Variants in ASTN2 observed in about 807,000 individuals in gnomAD.
ASTN2 encodes the protein astrotactin 2.
ASTN2 carries 54 observed loss-of-function variants against 139.8 expected under a neutral mutation model. The observed-to-expected ratio is 0.39, with a 90% CI of 0.31 to 0.48. The LOEUF (loss-of-function observed/expected upper bound fraction) is 0.48. Among genes scored for constraint, ASTN2 ranks in the 20% least tolerant of loss-of-function variants. The pLI is 0.95. For missense variants in ASTN2, 1,565 were observed against 1,725.1 expected (o/e 0.91, Z 1.64); for synonymous variants, 756 against 719.5 (o/e 1.05, Z -0.81).
rs939954614 is a variant in ASTN2 at position 116,478,786 on chromosome 9, A to T, written c.3497+8573T>A. Among the ~76,000 whole-genome samples the T allele has an allele frequency of 2.6e-5, 4 of 151,950 alleles. 1 individual carries two copies. Among genetic ancestry groups the T allele is most frequent in the African/African-American group, 9.7e-5 (4 of 41,374 alleles). ...AAGACAGGTGGATCACGAGGTCAGGAGTTCGAACCAGCCTGGCCAATATGG... is the reference window on the plus strand; with the variant it reads ...AAGACAGGTGGATCACGAGGTCAGGTGTTCGAACCAGCCTGGCCAATATGG... On this transcript the variant is annotated intron_variant, in intron 20 of 22. Coordinates refer to ENST00000313400, the MANE Select transcript of ASTN2 (RefSeq NM_001365068.1).
At chr9:117,388,460 G>T (rs1830457608) in intron 1 of ASTN2, among the ~76,000 whole-genome samples, 1 of 152,198 alleles carries the variant, frequency 6.6e-6, no homozygotes, top group South Asian at 2.1e-4. Context: ...CCTAGTGGGA[G>T]TGCTCTGATG....
intron 6 of ASTN2, among the ~76,000 whole-genome samples, chr9:117,029,891 C>G (rs1012176337): frequency 6.6e-6 from 1 of 152,026 alleles, no homozygotes; most frequent in Non-Finnish European, 1.5e-5. Context: ...CATATTAAAG[C>G]TGCAAACAGT....
At chr9:116,985,462 T>G (rs1836650065) in intron 7 of ASTN2, among the ~76,000 whole-genome samples, 1 of 152,214 alleles carries the variant, frequency 6.6e-6, no homozygotes. Context: ...GTCAGGCTGC[T>G]GAGAGGCTGC....
At chr9:117,203,914 C>T (rs1374025218) in intron 3 of ASTN2, among the ~76,000 whole-genome samples, 4 of 152,242 alleles carry the variant, frequency 2.6e-5, no homozygotes, top group Non-Finnish European at 5.9e-5. Flanking sequence ...AGGGGAAACC[C>T]ACTGTTCTGG....
intron 13 of ASTN2, among the ~76,000 whole-genome samples, chr9:116,805,419 A>T (rs1831003811): frequency 6.6e-6 from 1 of 152,192 alleles, no homozygotes; most frequent in African/African-American, 2.4e-5. Context: ...GAAAATGGCA[A>T]AGTGGGACAA....
At chr9:117,214,860 C>T in intron 2 of ASTN2, 118 bp from the exon 3 acceptor site, 1 of 1,155,806 alleles carries the variant, frequency 8.7e-7, no homozygotes, top group Non-Finnish European at 1.1e-6. Context: ...CATAGAGCCT[C>T]AGGAACCACC....
intron 5 of ASTN2, among the ~76,000 whole-genome samples, chr9:117,066,446 C>A: frequency 1.4e-5 from 2 of 147,800 alleles, no homozygotes; most frequent in East Asian, 4.1e-4. Flanking sequence ...GGTTCCAAGT[C>A]TTTGCTATTG....
At chr9:117,126,493 G>A (rs1829692036) in intron 4 of ASTN2, among the ~76,000 whole-genome samples, 1 of 152,190 alleles carries the variant, frequency 6.6e-6, no homozygotes, top group South Asian at 2.1e-4. Context: ...AGAGTAAAGA[G>A]CACAAAAGAA....
intron 1 of ASTN2, among the ~76,000 whole-genome samples, chr9:117,298,651 T>C (rs1370542671): frequency 7.8e-6 from 1 of 127,438 alleles, no homozygotes; most frequent in Non-Finnish European, 1.6e-5. Context: ...ACTGTCTTGG[T>C]GTGTGTATAT....
chr9:116,672,949 A>T (rs1208487232), intron 16 of ASTN2, among the ~76,000 whole-genome samples: 1 of 152,212 alleles, frequency 6.6e-6, no homozygotes, highest in African/African-American at 2.4e-5. Context: ...CAAAGTGCTA[A>T]ATGTTTTACA....
chr9:117,281,409 G>C (rs1834321140), intron 2 of ASTN2, among the ~76,000 whole-genome samples: 1 of 152,184 alleles, frequency 6.6e-6, no homozygotes, highest in African/African-American at 2.4e-5. Flanking sequence ...ATGCTCTGAA[G>C]ACTGGGAAGG....
rs376314824 is a variant in ASTN2 at position 116,863,616 on chromosome 9, C to G, written c.2007G>C (p.Val669=). ...CCGAGGAATCCACCTGCCGGTCAGA[C>G]ACACACTTGAAGTTGCGAGTGCAGC... ...NGGCTRNFKC[V]SDRQVDSSGC... The change falls in exon 11 of 23, where the codon GTG becomes GTC. Residue 669 remains valine (V), a synonymous_variant. Coordinates refer to ENST00000313400, the MANE Select transcript of ASTN2 (RefSeq NM_001365068.1). 11 of 1,614,068 alleles carry G rather than the reference C, an allele frequency of 6.8e-6. No individual in the cohort carries two copies. Among genetic ancestry groups the G allele is most frequent in the Non-Finnish European group, 9.3e-6 (11 of 1,180,038 alleles).
intron 10 of ASTN2, among the ~76,000 whole-genome samples, chr9:116,966,418 A>G (rs1051591166): frequency 2.6e-5 from 4 of 152,122 alleles, no homozygotes; most frequent in African/African-American, 9.7e-5. Context: ...ATCTGAGCTG[A>G]CAGTTGGTGC....
intron 5 of ASTN2, among the ~76,000 whole-genome samples, chr9:117,077,437 T>C (rs966957750): frequency 6.6e-6 from 1 of 152,132 alleles, no homozygotes. Context: ...AGCTATAAGG[T>C]AAGTAAGCTA....
Position 116,699,955 on chromosome 9 carries a change from A to G in ASTN2, c.2806+25816T>C. On this transcript the variant is annotated intron_variant, in intron 16 of 22. Coordinates refer to ENST00000313400, the MANE Select transcript of ASTN2 (RefSeq NM_001365068.1). This position sits in a 1 kb window ranked among gnomAD's most constrained non-coding sequence, Gnocchi z 4.2. ...ACACGATGGTGTTAGCTGAAGTTTG[A>G]TTAGCAATTAGGCACTTCCAAGGCT... 1 of 590,338 alleles carries G rather than the reference A, an allele frequency of 1.7e-6. No individual in the cohort carries two copies. The highest frequency in any genetic ancestry group is 2.2e-5 in the South Asian group (1 of 45,898). 36.6% of individuals were successfully genotyped at this position (590,338 alleles called of 1,614,324 possible). A position where few individuals can be genotyped will look rare whatever the true frequency, so the allele number is the denominator to read the frequency against.
chr9:116,976,301 A>G, intron 8 of ASTN2, 113 bp from the exon 9 acceptor site: 1 of 816,542 alleles, frequency 1.2e-6, no homozygotes. Flanking sequence ...TGCAGAAATA[A>G]TTATTGGGCA....
rs527403460 is a variant in ASTN2 at position 116,759,575 on chromosome 9, C to T, written c.2397-26052G>A. ...TATAACATTCCCTCTGTCTGCTATA[C>T]TATTTCTTTCTGCTTGTATACTGAT... On this transcript the variant is annotated intron_variant, in intron 13 of 22. Transcript: ENST00000313400. Among the ~76,000 whole-genome samples, 5 of 152,182 alleles carry T rather than the reference C, an allele frequency of 3.3e-5. No homozygotes were observed. In the South Asian group the frequency reaches 1.0e-3, roughly 32 times the overall value.
intron 1 of ASTN2, among the ~76,000 whole-genome samples, chr9:117,327,125 C>T (rs553211503): frequency 2.0e-5 from 3 of 152,210 alleles, no homozygotes; most frequent in Non-Finnish European, 2.9e-5. Context: ...CAATAGGGTT[C>T]GTGCTCCTAT....
intron 11 of ASTN2, among the ~76,000 whole-genome samples, chr9:116,846,612 C>G (rs939750953): frequency 6.6e-6 from 1 of 152,152 alleles, no homozygotes; most frequent in Non-Finnish European, 1.5e-5. Flanking sequence ...GGCTACTTTT[C>G]CCATTAGAGG....
Sources: gnomAD v4.1 joint callset for allele counts (sites outside exome capture counted in the v4.1 genomes callset) on GRCh38, gnomAD v4.1.1 for gene constraint, Gnocchi (gnomAD v3.1) non-coding constraint, MANE v1.5 for transcripts, NCBI Gene and HGNC (gene_info 2026-07-23, HGNC 2026-07-21) for gene names.